Variants in IL1RL2 observed in about 807,000 individuals in gnomAD.
IL1RL2 encodes the protein interleukin 1 receptor like 2, also known as interleukin-1 receptor-like 2.
Under a neutral mutation model 66.8 loss-of-function variants are expected in IL1RL2, and 68 were observed. That is an observed-to-expected ratio of 1.02 (90% CI 0.84 to 1.25). The LOEUF (loss-of-function observed/expected upper bound fraction) is 1.25, where lower values mean the gene tolerates loss of function less well. Ranked by LOEUF, IL1RL2 falls within the 50% of genes most tolerant of loss-of-function variation. The pLI, the probability that IL1RL2 is intolerant of heterozygous loss-of-function variation, is 0.00. For synonymous variants in IL1RL2, 305 were observed against 264.6 expected (o/e 1.15, Z -1.48); for missense variants, 729 against 709.3 (o/e 1.03, Z -0.32).
intron 8 of IL1RL2, among the ~76,000 whole-genome samples, chr2:102,222,183 G>A (rs1349415080): frequency 6.6e-6 from 1 of 152,176 alleles, no homozygotes; most frequent in Admixed American, 6.5e-5. Context: ...GGGCTTATCA[G>A]TGTATCACTG....
chr2:102,227,145 T>C (rs997040252), intron 9 of IL1RL2, among the ~76,000 whole-genome samples: 1 of 152,202 alleles, frequency 6.6e-6, no homozygotes, highest in Non-Finnish European at 1.5e-5. Flanking sequence ...GCAAAAGTAA[T>C]AAATCTGCTC....
At chr2:102,225,104 C>A (rs1459559993) in intron 8 of IL1RL2, among the ~76,000 whole-genome samples, 1 of 152,160 alleles carries the variant, frequency 6.6e-6, no homozygotes, top group East Asian at 1.9e-4. Context: ...TGGGTTTGGG[C>A]TGCGGTGAGG....
chr2:102,189,768 G>T (rs1341057202), intron 3 of IL1RL2, among the ~76,000 whole-genome samples: 1 of 152,068 alleles, frequency 6.6e-6, no homozygotes, highest in Non-Finnish European at 1.5e-5. Context: ...TAGGCGCTTG[G>T]CTATATCCGA....
At chr2:102,232,293 A>G (rs1225123076) in intron 9 of IL1RL2, among the ~76,000 whole-genome samples, 1 of 151,462 alleles carries the variant, frequency 6.6e-6, no homozygotes. Flanking sequence ...TTGTATTTTT[A>G]GTAGTGACAG....
chr2:102,209,414 G>T (rs564885544), intron 5 of IL1RL2, among the ~76,000 whole-genome samples: 1 of 152,210 alleles, frequency 6.6e-6, no homozygotes, highest in South Asian at 2.1e-4. Flanking sequence ...GTTCTCAGCT[G>T]AATTTTGAAG....
chr2:102,219,961 T>G lies in IL1RL2; in HGVS notation c.935T>G (p.Leu312Arg). 6.2e-7 allele frequency: 1 copy of G among 1,613,954 alleles called. No individual in the cohort carries two copies. Among genetic ancestry groups the G allele is most frequent in the Non-Finnish European group, 8.5e-7 (1 of 1,179,856 alleles). ...FLEVKMEDYG[L>R]PFMCHAGVST... ...GAAGTGAAAATGGAAGATTATGGCC[T>G]TCCTTTCATGTGCCACGCTGGAGTG... Residue 312 changes from leucine (L) to arginine (R), a missense_variant, in exon 8 of 12, where the codon CTT becomes CGT. Physicochemically the swap from Leu to Arg is moderately radical, Grantham distance 102 (BLOSUM62 -2). Transcript: ENST00000264257.
At chr2:102,235,440 T>C in intron 11 of IL1RL2, 163 bp downstream of exon 11, 1 of 985,450 alleles carries the variant, frequency 1.0e-6, no homozygotes, top group African/African-American at 1.7e-5. Context: ...TGTCATTTGT[T>C]TGCTTCGATC....
At chr2:102,197,245 G>A (rs770601475) in intron 4 of IL1RL2, among the ~76,000 whole-genome samples, 2 of 152,184 alleles carry the variant, frequency 1.3e-5, no homozygotes, top group African/African-American at 4.8e-5. Context: ...TTGAAGGCTT[G>A]CAGGAGAGGG....
chr2:102,228,883 TC>T (rs925506679), intron 9 of IL1RL2, among the ~76,000 whole-genome samples: 5 of 152,128 alleles, frequency 3.3e-5, no homozygotes, highest in African/African-American at 7.3e-5. Flanking sequence ...AGATTTTTTT[TC>T]CCCCACAGGG....
At chr2:102,240,259 G>C (rs140957537), downstream of IL1RL2, among the ~76,000 whole-genome samples, 9 of 149,226 alleles carry the variant, frequency 6.0e-5, no homozygotes, top group East Asian at 1.2e-3. Flanking sequence ...TAGATGGACT[G>C]TTTCTCAGTC....
rs1412833979 is a variant in IL1RL2 at position 102,198,153 on chromosome 2, G to C, written c.490-3403G>C. Among the ~76,000 whole-genome samples the C allele has an allele frequency of 2.6e-5, 4 of 152,186 alleles. No homozygotes were observed. In the East Asian group the frequency reaches 7.7e-4, roughly 29 times the overall value. On this transcript the variant is annotated intron_variant, in intron 4 of 11. Transcript: ENST00000264257. ...TTAGTTCAGCATGAGTACATAATAG[G>C]TACGTAATAAATAAATATTAGAGAT...
chr2:102,210,643 G>A (rs994417059), intron 5 of IL1RL2, among the ~76,000 whole-genome samples: 9 of 152,144 alleles, frequency 5.9e-5, no homozygotes, highest in East Asian at 1.9e-4. Context: ...AATATGGCAA[G>A]GTCAAAAAAG....
chr2:102,208,756 G>A (rs991837728), intron 5 of IL1RL2, among the ~76,000 whole-genome samples: 5 of 152,212 alleles, frequency 3.3e-5, no homozygotes, highest in African/African-American at 7.2e-5. Context: ...TAGAGAGCCC[G>A]TTCTAGTCCT....
downstream of IL1RL2, among the ~76,000 whole-genome samples, chr2:102,241,654 T>C (rs964398813): frequency 1.3e-5 from 2 of 152,204 alleles, no homozygotes; most frequent in East Asian, 1.9e-4. Flanking sequence ...GACCCTAAGC[T>C]AAGCTCTTTA....
chr2:102,225,789 C>T (rs1690545771), intron 8 of IL1RL2, 109 bp from the exon 9 acceptor site: 10 of 839,194 alleles, frequency 1.2e-5, no homozygotes, highest in Admixed American at 3.9e-5. Context: ...CATCCAAAAC[C>T]TTTCCATTTG....
intron 6 of IL1RL2, 103 bp from the exon 7 acceptor site, chr2:102,218,850 G>T: frequency 4.2e-6 from 4 of 960,976 alleles, no homozygotes; most frequent in Non-Finnish European, 6.3e-6. Context: ...TAATCAAAAG[G>T]TATTCGAGGC....
At chr2:102,196,860 C>T (rs1405703002) in intron 4 of IL1RL2, among the ~76,000 whole-genome samples, 1 of 152,120 alleles carries the variant, frequency 6.6e-6, no homozygotes, top group East Asian at 1.9e-4. Flanking sequence ...TTATGCCAAC[C>T]TAAAGCATTT....
chr2:102,235,022 G>A lies in IL1RL2; in HGVS notation c.1423G>A (p.Ala475Thr). 6.2e-7 allele frequency: 1 copy of A among 1,614,186 alleles called. No individual in the cohort carries two copies. Among genetic ancestry groups the A allele is most frequent in the Non-Finnish European group, 8.5e-7 (1 of 1,180,042 alleles). ...LSEEQIAVYS[A>T]LIQDGMKVIL... ...AGAAGAACAAATCGCGGTCTACAGTGCCCTGATCCAGGACGGGATGAAGGT... is the reference window on the plus strand; with the variant it reads ...AGAAGAACAAATCGCGGTCTACAGTACCCTGATCCAGGACGGGATGAAGGT... The change falls in exon 11 of 12, where the codon GCC becomes ACC. Residue 475 changes from alanine (A) to threonine (T), a missense_variant. Coordinates refer to ENST00000264257, the MANE Select transcript of IL1RL2 (RefSeq NM_003854.4).
In IL1RL2 at chr2:102,231,412, C is replaced by T. The variant is rs377573169; in HGVS notation, c.1136-1551C>T. Among the ~76,000 whole-genome samples, 109 of 152,206 alleles carry T rather than the reference C, an allele frequency of 7.2e-4. No individual in the cohort carries two copies. The East Asian group carries it at 0.018, about 25-fold the overall frequency. On this transcript the variant is annotated intron_variant, in intron 9 of 11. Coordinates refer to ENST00000264257, the MANE Select transcript of IL1RL2 (RefSeq NM_003854.4). ...ACTCAGGAGACTGAGGCAGGAGAAT[C>T]GCTTGAACCTGTGAGGTGGAGGTTG...
Sources: allele counts gnomAD v4.1 joint callset (sites outside exome capture counted in the v4.1 genomes callset), GRCh38; gene constraint gnomAD v4.1.1; transcripts MANE v1.5; gene names NCBI Gene and HGNC (gene_info 2026-07-23, HGNC 2026-07-21).